The following TBCA variants were observed in gnomAD, a reference collection of about 807,000 sequenced individuals.
The protein encoded by TBCA is tubulin folding cofactor A, also known as tubulin-specific chaperone A.
TBCA carries 6 observed loss-of-function variants against 15.8 expected under a neutral mutation model. The ratio of observed to expected loss-of-function variants is 0.38; its 90% CI spans 0.21 to 0.75. The LOEUF is 0.75. Ranked by LOEUF, TBCA falls within the 30% of genes least tolerant of loss-of-function variation. The pLI, the probability that TBCA is intolerant of heterozygous loss-of-function variation, is 0.46. For missense variants in TBCA, 90 were observed against 131.2 expected, an observed-to-expected ratio of 0.69 and a Z score of 1.53; for synonymous variants, 32 against 42.3, an observed-to-expected ratio of 0.76 and a Z score of 0.94.
chr5:77,767,347 TCAA>T (rs1209134972), intron 1 of TBCA, among the ~76,000 whole-genome samples: 2 of 152,120 alleles, frequency 1.3e-5, no homozygotes, highest in African/African-American at 2.4e-5. Context: ...TGAAAGGATC[TCAA>T]CAACAACAGA....
chr5:77,713,204 A>G (rs1436883210), intron 1 of TBCA, among the ~76,000 whole-genome samples: 2 of 152,108 alleles, frequency 1.3e-5, no homozygotes, highest in Non-Finnish European at 2.9e-5. Context: ...TCTGAGGTGG[A>G]AGGATCCCTG....
intron 1 of TBCA, among the ~76,000 whole-genome samples, chr5:77,712,679 T>G (rs1374005813): frequency 6.6e-6 from 1 of 152,182 alleles, no homozygotes; most frequent in Non-Finnish European, 1.5e-5. Flanking sequence ...GTTTATTGTT[T>G]GAAACAAACT....
At chr5:77,741,541 G>A (rs1424269269) in intron 1 of TBCA, among the ~76,000 whole-genome samples, 1 of 151,964 alleles carries the variant, frequency 6.6e-6, no homozygotes, top group Non-Finnish European at 1.5e-5. Context: ...CTTCAAGAAA[G>A]AAGTAACAGC....
chr5:77,711,649 G>A (rs1302896837), intron 1 of TBCA, among the ~76,000 whole-genome samples: 1 of 152,068 alleles, frequency 6.6e-6, no homozygotes, highest in Non-Finnish European at 1.5e-5. Flanking sequence ...CACAAAAATT[G>A]AGCAATAAGA....
chr5:77,708,992 T>TC (rs1159107198), intron 1 of TBCA, among the ~76,000 whole-genome samples: 1 of 151,884 alleles, frequency 6.6e-6, no homozygotes, highest in East Asian at 1.9e-4. Context: ...CTTTTTTTTT[T>TC]TTTTTTTAAA....
chr5:77,747,504 C>T (rs1325516755), intron 1 of TBCA, among the ~76,000 whole-genome samples: 2 of 152,134 alleles, frequency 1.3e-5, no homozygotes, highest in Admixed American at 6.5e-5. Context: ...ATATGGCAAG[C>T]GTCTATAACT....
rs1747795120 is a variant in TBCA, at chr5:77,767,013, C to A, written c.53+9192G>T. Among the ~76,000 whole-genome samples, 5 of 152,270 alleles carry A rather than the reference C, an allele frequency of 3.3e-5. No homozygotes were observed. In the South Asian group the frequency reaches 1.0e-3, roughly 32 times the overall value. On this transcript the variant is annotated intron_variant, in intron 1 of 3. Coordinates refer to ENST00000380377, the MANE Select transcript of TBCA (RefSeq NM_004607.3). ...AAGAACTGTTTGGCCTTAAGAAAAT[C>A]TTTGTATACTTTGATATAGTGCAGC...
intron 1 of TBCA, among the ~76,000 whole-genome samples, chr5:77,723,977 G>A (rs1303150015): frequency 6.6e-6 from 1 of 151,910 alleles, no homozygotes; most frequent in African/African-American, 2.4e-5. Context: ...TATTAAAATA[G>A]TTACCCATAT....
chr5:77,711,549 T>C (rs1389142933), intron 1 of TBCA, among the ~76,000 whole-genome samples: 1 of 152,202 alleles, frequency 6.6e-6, no homozygotes, highest in Non-Finnish European at 1.5e-5. Context: ...AAATTGAGTC[T>C]AGAAATCTCA....
At chr5:77,769,789 TGTTAAA>T (rs997046606) in intron 1 of TBCA, among the ~76,000 whole-genome samples, 39 of 152,294 alleles carry the variant, frequency 2.6e-4, no homozygotes, top group Non-Finnish European at 4.4e-4. Context: ...GTTAAAAGAC[TGTTAAA>T]GTTAAACTAA....
At chr5:77,703,112 A>G (rs1435790101) in intron 2 of TBCA, among the ~76,000 whole-genome samples, 1 of 152,234 alleles carries the variant, frequency 6.6e-6, no homozygotes, top group Non-Finnish European at 1.5e-5. Context: ...AAGCATATAC[A>G]TCTTTTTCAA....
intron 1 of TBCA, among the ~76,000 whole-genome samples, chr5:77,760,325 C>T (rs750239471): frequency 9.2e-5 from 14 of 152,216 alleles, no homozygotes; most frequent in Non-Finnish European, 1.9e-4. Context: ...CATAGGTATA[C>T]ATAAATTAGG....
intron 2 of TBCA, among the ~76,000 whole-genome samples, chr5:77,702,133 A>G (rs1186866713): frequency 2.0e-5 from 3 of 152,110 alleles, no homozygotes; most frequent in Admixed American, 6.6e-5. Context: ...AAAAATCACC[A>G]CTAAAGAACT....
intron 1 of TBCA, among the ~76,000 whole-genome samples, chr5:77,757,634 G>C (rs150060001): frequency 6.6e-6 from 1 of 152,316 alleles, no homozygotes; most frequent in African/African-American, 2.4e-5. Flanking sequence ...GATAGCCCAA[G>C]CTGGTACCAA....
chr5:77,745,200 A>G (rs1030675073), intron 1 of TBCA, among the ~76,000 whole-genome samples: 2 of 152,212 alleles, frequency 1.3e-5, no homozygotes, highest in Admixed American at 6.5e-5. Flanking sequence ...CAAGGCAGAG[A>G]AGGGAGATTT....
chr5:77,705,448 A>C, intron 2 of TBCA: 1 of 393,672 alleles, frequency 2.5e-6, no homozygotes, highest in Non-Finnish European at 4.5e-6. Context: ...AGAGTGAAAG[A>C]GGTACAAAAG....
intron 1 of TBCA, among the ~76,000 whole-genome samples, chr5:77,762,133 G>A (rs1017520106): frequency 2.0e-5 from 3 of 152,162 alleles, no homozygotes; most frequent in South Asian, 2.1e-4. Flanking sequence ...GAAAATACAG[G>A]TAGTTATCAT....
chr5:77,730,499 G>A (rs998785118), intron 1 of TBCA, among the ~76,000 whole-genome samples: 1 of 152,160 alleles, frequency 6.6e-6, no homozygotes, highest in African/African-American at 2.4e-5. Flanking sequence ...ATGCCACCCA[G>A]TTTGTGGTAA....
chr5:77,757,510 C>A (rs1230154701), intron 1 of TBCA, among the ~76,000 whole-genome samples: 5 of 151,976 alleles, frequency 3.3e-5, no homozygotes, highest in African/African-American at 9.7e-5. Context: ...TGTACAGCAA[C>A]AACAACAACA....
Sources: allele counts gnomAD v4.1 joint callset (sites outside exome capture counted in the v4.1 genomes callset), GRCh38; gene constraint gnomAD v4.1.1; transcripts MANE v1.5; gene names NCBI Gene and HGNC (gene_info 2026-07-23, HGNC 2026-07-21).